The following PLA2G4E variants were observed in gnomAD, a reference collection of about 807,000 sequenced individuals.
The protein encoded by PLA2G4E is cytosolic phospholipase A2 epsilon.
Under a neutral mutation model 109.1 loss-of-function variants are expected in PLA2G4E, and 84 were observed. The observed-to-expected ratio is 0.77, with a 90% CI of 0.65 to 0.92. The LOEUF (loss-of-function observed/expected upper bound fraction) is 0.92, where lower values mean the gene tolerates loss of function less well. PLA2G4E is among the 40% of genes least tolerant of loss of function. The pLI is 0.00. For missense variants in PLA2G4E, 1,057 were observed against 1,076.6 expected, an observed-to-expected ratio of 0.98 and a Z score of 0.25; for synonymous variants, 469 against 436.1, an observed-to-expected ratio of 1.08 and a Z score of -0.94.
At chr15:41,996,976 C>A (rs1016240515) in intron 11 of PLA2G4E, 148 bp downstream of exon 11, 1 of 1,037,546 alleles carries the variant, frequency 9.6e-7, no homozygotes, top group Non-Finnish European at 1.3e-6. Flanking sequence ...TCACTTCCAG[C>A]ACAGCTCTCA....
chr15:42,003,408 G>C (rs1053028784), intron 5 of PLA2G4E, among the ~76,000 whole-genome samples: 2 of 152,186 alleles, frequency 1.3e-5, no homozygotes, highest in Non-Finnish European at 2.9e-5. Context: ...ACAGGTGCAT[G>C]CTGCCATGCC....
chr15:42,035,994 GT>G (rs10711186), intron 1 of PLA2G4E, among the ~76,000 whole-genome samples: 61,513 of 151,906 alleles, frequency 0.4, 13,744 homozygotes, highest in African/African-American at 0.58. Flanking sequence ...CTATAAACAT[GT>G]TTTTTTTCTC....
At chr15:42,040,205 C>T (rs1392778157) in intron 1 of PLA2G4E, among the ~76,000 whole-genome samples, 7 of 150,812 alleles carry the variant, frequency 4.6e-5, no homozygotes, top group Admixed American at 3.3e-4. Flanking sequence ...CACACACACG[C>T]ACACACACAC....
chr15:42,000,816 T>C (rs1668556), intron 7 of PLA2G4E, among the ~76,000 whole-genome samples: 145,860 of 152,236 alleles, frequency 0.96, 70,049 homozygotes, highest in African/African-American at 0.98. Flanking sequence ...GTTAGAGGGG[T>C]CCTGGGCTTC....
chr15:42,013,648 G>T, intron 2 of PLA2G4E, 37 bp downstream of exon 2: 2 of 1,457,786 alleles, frequency 1.4e-6, no homozygotes, highest in Non-Finnish European at 1.8e-6. Context: ...TCCAGATCCG[G>T]TAAGCAGAGA....
chr15:42,050,632 C>T lies in PLA2G4E; in HGVS notation c.72G>A (p.Thr24=), dbSNP rs146870063. Residue 24 remains threonine, a synonymous_variant, in exon 1 of 20, where the codon ACG becomes ACA. Transcript: ENST00000399518. ...TTCCTGACCTGCTGCCTTCTTCATC[C>T]GTTTGTGGGCTCTGTGGGACAAACA... The T allele has an allele frequency of 3.1e-4, 478 of 1,550,588 alleles. 1 individual carries two copies. In the African/African-American group the frequency reaches 4.9e-3, roughly 16 times the overall value.
chr15:41,989,610 C>G, intron 14 of PLA2G4E, 58 bp from the exon 15 acceptor site: 1 of 1,553,032 alleles, frequency 6.4e-7, no homozygotes, highest in Non-Finnish European at 8.7e-7. Context: ...GTCCACACAG[C>G]CGGGCCCCCC....
At chr15:42,005,945 G>A (rs1294071100) in intron 4 of PLA2G4E, 45 bp downstream of exon 4, 1 of 1,600,200 alleles carries the variant, frequency 6.2e-7, no homozygotes, top group Admixed American at 1.7e-5. Context: ...ACAGCTATGA[G>A]GTTATCATGA....
At chr15:42,007,587 G>T in intron 3 of PLA2G4E, 142 bp downstream of exon 3, 1 of 1,045,834 alleles carries the variant, frequency 9.6e-7, no homozygotes. Context: ...GGGTGTGAGT[G>T]GGAAGACAGG....
At chr15:42,016,666 A>G (rs7175498) in intron 1 of PLA2G4E, among the ~76,000 whole-genome samples, 19,050 of 152,102 alleles carry the variant, frequency 0.13, 2,638 homozygotes, top group African/African-American at 0.33. Flanking sequence ...TCAGCAACAG[A>G]ATGCTGATTC....
chr15:42,032,646 C>A (rs542925475), intron 1 of PLA2G4E, among the ~76,000 whole-genome samples: 1 of 152,222 alleles, frequency 6.6e-6, no homozygotes, highest in Non-Finnish European at 1.5e-5. Context: ...GACCATCCAA[C>A]CAAGTGGCCT....
intron 1 of PLA2G4E, among the ~76,000 whole-genome samples, chr15:42,026,050 C>T (rs190252565): frequency 1.3e-3 from 193 of 152,098 alleles, no homozygotes; most frequent in African/African-American, 4.4e-3. Context: ...TTTTAAACTT[C>T]GGTAAAGCAA....
intron 5 of PLA2G4E, among the ~76,000 whole-genome samples, chr15:42,004,118 A>G (rs1230884785): frequency 1.3e-5 from 2 of 152,114 alleles, no homozygotes; most frequent in Non-Finnish European, 2.9e-5. Flanking sequence ...TGAGACCAAC[A>G]TGATGAAACC....
At chr15:42,018,508 G>A (rs889025434) in intron 1 of PLA2G4E, among the ~76,000 whole-genome samples, 7 of 152,112 alleles carry the variant, frequency 4.6e-5, no homozygotes, top group African/African-American at 1.4e-4. Context: ...TCCTTCATGA[G>A]GGCATTGGGA....
intron 2 of PLA2G4E, among the ~76,000 whole-genome samples, chr15:42,010,672 T>C (rs2068527437): frequency 6.6e-6 from 1 of 152,208 alleles, no homozygotes; most frequent in Non-Finnish European, 1.5e-5. Flanking sequence ...TCTATAGATG[T>C]TCAGAACTTT....
chr15:42,010,088 G>C (rs2068517198), intron 2 of PLA2G4E: 1 of 501,584 alleles, frequency 2.0e-6, no homozygotes, highest in South Asian at 1.6e-5. Flanking sequence ...CCAGGAACCT[G>C]CTCAGCCCTC....
At chr15:41,996,006 T>G (rs1045805641) in intron 11 of PLA2G4E, among the ~76,000 whole-genome samples, 1 of 151,996 alleles carries the variant, frequency 6.6e-6, no homozygotes, top group Non-Finnish European at 1.5e-5. Flanking sequence ...AGGAGCAGGG[T>G]TGCCAGCTCT....
intron 7 of PLA2G4E, among the ~76,000 whole-genome samples, chr15:42,000,855 A>C (rs987414384): frequency 1.3e-5 from 2 of 152,212 alleles, no homozygotes; most frequent in Admixed American, 1.3e-4. Context: ...TGACCTAGGC[A>C]ATCTGAGGTC....
At chr15:41,983,429 C>G (rs377264102) in exon 20 of PLA2G4E, 1 of 311,056 alleles carries the variant, frequency 3.2e-6, no homozygotes, top group Non-Finnish European at 5.9e-6. Flanking sequence ...GCCTCTGAGT[C>G]GAGGTTTCTG....
Sources: allele counts gnomAD v4.1 joint callset (sites outside exome capture counted in the v4.1 genomes callset), GRCh38; gene constraint gnomAD v4.1.1; transcripts MANE v1.5; gene names NCBI Gene and HGNC (gene_info 2026-07-23, HGNC 2026-07-21).